Variants in DPF3 observed in about 807,000 individuals in gnomAD.
DPF3 encodes the protein double PHD fingers 3.
DPF3 carries 18 observed loss-of-function variants against 56.8 expected under a neutral mutation model. The observed-to-expected ratio is 0.32, with a 90% CI of 0.22 to 0.47. The LOEUF (loss-of-function observed/expected upper bound fraction) is 0.47, where lower values mean the gene tolerates loss of function less well. Ranked by LOEUF, DPF3 falls within the 20% of genes least tolerant of loss-of-function variation. The pLI is 1.00. For synonymous variants in DPF3, 188 were observed against 180.2 expected (o/e 1.04, Z -0.35); for missense variants, 403 against 488.8 (o/e 0.82, Z 1.65).
At chr14:72,820,301 T>C (rs1441682125) in intron 1 of DPF3, among the ~76,000 whole-genome samples, 2 of 151,964 alleles carry the variant, frequency 1.3e-5, no homozygotes, top group African/African-American at 4.8e-5. Context: ...AACAGGCAAA[T>C]GGCCAAAAGA....
chr14:72,866,305 C>A (rs761027559), intron 1 of DPF3, among the ~76,000 whole-genome samples: 9 of 137,866 alleles, frequency 6.5e-5, no homozygotes, highest in Non-Finnish European at 1.2e-4. Context: ...CCTCAACATT[C>A]ATCGTGCCAA....
chr14:72,716,437 T>C (rs1048670986), intron 5 of DPF3, among the ~76,000 whole-genome samples: 1 of 152,114 alleles, frequency 6.6e-6, no homozygotes, highest in Non-Finnish European at 1.5e-5. Flanking sequence ...AAACTCAGAA[T>C]CCTACTTGGC....
rs201806283 is a variant in DPF3, at chr14:72,672,604, T to G, written c.871+1636A>C. Among the ~76,000 whole-genome samples, 9 of 152,256 alleles carry G rather than the reference T, an allele frequency of 5.9e-5. No homozygotes were observed. The South Asian group carries it at 8.3e-4, about 14-fold the overall frequency. On this transcript the variant is annotated intron_variant, in intron 8 of 10. Coordinates refer to ENST00000556509, the MANE Select transcript of DPF3 (RefSeq NM_001280542.3). The stretch of plus-strand genomic sequence containing the variant: ...GTAGAAAATGGCTCCCTGAGCCACA[T>G]AGCAGACAGAACCTTGGAGGGAAAG...
At chr14:72,631,391 G>T (rs1179086443) in intron 8 of DPF3, among the ~76,000 whole-genome samples, 1 of 152,168 alleles carries the variant, frequency 6.6e-6, no homozygotes, top group Non-Finnish European at 1.5e-5. Flanking sequence ...CTCAAAGATT[G>T]GTCTAAGAAG....
chr14:72,634,584 T>C (rs1057254534), intron 8 of DPF3, among the ~76,000 whole-genome samples: 1 of 152,160 alleles, frequency 6.6e-6, no homozygotes, highest in African/African-American at 2.4e-5. Flanking sequence ...GTAATACTTA[T>C]GGTCACTTGA....
intron 1 of DPF3, among the ~76,000 whole-genome samples, chr14:72,793,229 G>A (rs1165645909): frequency 2.6e-5 from 4 of 152,166 alleles, no homozygotes; most frequent in Non-Finnish European, 4.4e-5. Flanking sequence ...GTGTCACACC[G>A]CAGCCATTGG....
intron 1 of DPF3, among the ~76,000 whole-genome samples, chr14:72,831,378 C>T (rs1428854605): frequency 1.3e-5 from 2 of 152,164 alleles, no homozygotes; most frequent in Non-Finnish European, 2.9e-5. Flanking sequence ...AACACACACT[C>T]CTTGTTACAA....
intron 6 of DPF3, among the ~76,000 whole-genome samples, chr14:72,710,942 C>A (rs745516842): frequency 1.3e-5 from 2 of 152,130 alleles, no homozygotes; most frequent in African/African-American, 4.8e-5. Context: ...TTCTCTGAGA[C>A]GGAAGAAATT....
chr14:72,815,958 T>C (rs916011131), intron 1 of DPF3, among the ~76,000 whole-genome samples: 1 of 152,192 alleles, frequency 6.6e-6, no homozygotes, highest in Non-Finnish European at 1.5e-5. Context: ...ATGGGAAACA[T>C]ATAAGTAGTT....
intron 6 of DPF3, among the ~76,000 whole-genome samples, chr14:72,705,742 G>C (rs940103661): frequency 6.6e-6 from 1 of 152,208 alleles, no homozygotes; most frequent in Admixed American, 6.5e-5. Context: ...ACTGTGCTGG[G>C]GCTGGGCTGC....
intron 1 of DPF3, among the ~76,000 whole-genome samples, chr14:72,859,542 G>A (rs550659322): frequency 4.0e-4 from 52 of 131,164 alleles, no homozygotes; most frequent in African/African-American, 1.4e-3. Flanking sequence ...ACATTCCAGT[G>A]CCCAGGCCAT....
intron 1 of DPF3, among the ~76,000 whole-genome samples, chr14:72,872,839 T>C (rs1323587165): frequency 6.6e-6 from 1 of 152,230 alleles, no homozygotes; most frequent in Non-Finnish European, 1.5e-5. Flanking sequence ...CCCTATTTAA[T>C]AAATGGTGCT....
intron 1 of DPF3, among the ~76,000 whole-genome samples, chr14:72,781,633 T>C (rs1404191897): frequency 6.6e-6 from 1 of 151,836 alleles, no homozygotes; most frequent in Non-Finnish European, 1.5e-5. Flanking sequence ...CATCTCGAGG[T>C]TGAAGTCAAG....
chr14:72,861,050 CACACACACACACACACACAG>C (rs1326209231), intron 1 of DPF3, among the ~76,000 whole-genome samples: 100 of 150,558 alleles, frequency 6.6e-4, no homozygotes, highest in African/African-American at 2.3e-3. Flanking sequence ...CACACACACA[CACACACACACACACACACAG>C]ACACATACAC....
intron 1 of DPF3, among the ~76,000 whole-genome samples, chr14:72,782,826 C>A (rs1381638200): frequency 6.9e-6 from 1 of 144,874 alleles, no homozygotes; most frequent in African/African-American, 2.6e-5. Context: ...GAGCGAGACT[C>A]CATCTCAAAG....
At chr14:72,836,646 G>A (rs1460408414) in intron 1 of DPF3, among the ~76,000 whole-genome samples, 1 of 151,962 alleles carries the variant, frequency 6.6e-6, no homozygotes, top group Non-Finnish European at 1.5e-5. Flanking sequence ...GGAGCCCATT[G>A]GGAGCTCCCG....
intron 5 of DPF3, among the ~76,000 whole-genome samples, chr14:72,716,608 C>G (rs1485995743): frequency 6.6e-6 from 1 of 152,100 alleles, no homozygotes; most frequent in African/African-American, 2.4e-5. Flanking sequence ...TTTGTCTCCC[C>G]TACATGGAGA....
chr14:72,868,560 T>C (rs1222570783), intron 1 of DPF3, among the ~76,000 whole-genome samples: 2 of 152,130 alleles, frequency 1.3e-5, no homozygotes, highest in African/African-American at 2.4e-5. Flanking sequence ...TTTCCATCAG[T>C]CACACAGGTG....
At chr14:72,821,323 C>G (rs930186805) in intron 1 of DPF3, among the ~76,000 whole-genome samples, 3 of 151,954 alleles carry the variant, frequency 2.0e-5, no homozygotes, top group Non-Finnish European at 4.4e-5. Flanking sequence ...CGGCTCAGTC[C>G]TATAATCCCA....
Sources: gnomAD v4.1 joint callset for allele counts (sites outside exome capture counted in the v4.1 genomes callset) on GRCh38, gnomAD v4.1.1 for gene constraint, MANE v1.5 for transcripts, NCBI Gene and HGNC (gene_info 2026-07-23, HGNC 2026-07-21) for gene names.